The following TMOD3 variants were observed in gnomAD, a reference collection of about 807,000 sequenced individuals.
TMOD3 encodes tropomodulin-3.
TMOD3 carries 20 observed loss-of-function variants against 39.2 expected under a neutral mutation model. The observed-to-expected ratio is 0.51, with a 90% CI of 0.36 to 0.74. The LOEUF is 0.74. Among genes scored for constraint, TMOD3 ranks in the 30% least tolerant of loss-of-function variants. The pLI is 0.00. For missense variants in TMOD3, 381 were observed against 412.8 expected, an observed-to-expected ratio of 0.92 and a Z score of 0.67; for synonymous variants, 143 against 145.8, an observed-to-expected ratio of 0.98 and a Z score of 0.14.
intron 9 of TMOD3, among the ~76,000 whole-genome samples, chr15:51,902,499 C>G (rs976570357): frequency 1.3e-5 from 2 of 151,992 alleles, no homozygotes; most frequent in African/African-American, 4.8e-5. Context: ...TGAGACGGAG[C>G]CTCGCTGTGT....
intron 3 of TMOD3, among the ~76,000 whole-genome samples, chr15:51,887,021 C>G (rs1047316814): frequency 6.6e-6 from 1 of 151,922 alleles, no homozygotes; most frequent in Non-Finnish European, 1.5e-5. Context: ...TAGTTTGAGA[C>G]CAGCCTGGCC....
In TMOD3 at chr15:51,862,792, T is replaced by G. The variant is rs999989780; in HGVS notation, c.-74-19T>G. 7 of 1,278,044 alleles carry G rather than the reference T, an allele frequency of 5.5e-6. No individual in the cohort carries two copies. Among genetic ancestry groups the G allele is most frequent in the Admixed American group, 2.6e-5 (1 of 39,042 alleles). 79.2% of individuals were successfully genotyped at this position (1,278,044 alleles called of 1,614,324 possible). ...AGATGACTTACTATTTAAAATGTAT[T>G]TGTTTCTTCTCTCCATAGCTTTAAG... On this transcript the variant is annotated intron_variant, in intron 1 of 9. Transcript: ENST00000308580.
intron 9 of TMOD3, among the ~76,000 whole-genome samples, chr15:51,906,360 A>G (rs2141711785): frequency 6.6e-6 from 1 of 152,344 alleles, no homozygotes; most frequent in East Asian, 1.9e-4. Context: ...TTCACCTTGT[A>G]GATGGGGCTT....
In TMOD3 at chr15:51,911,370, A is replaced by C. The variant is rs1045961709; in HGVS notation, c.*2560A>C. The C allele has an allele frequency of 2.0e-5, 3 of 152,218 alleles. No homozygotes were observed. The highest frequency in any genetic ancestry group is 7.2e-5 in the African/African-American group (3 of 41,456). 9.4% of individuals were successfully genotyped at this position (152,218 alleles called of 1,614,324 possible). The stretch of plus-strand genomic sequence containing the variant: ...GTAGTTCATTGTATAACTGAAAGAA[A>C]TGATTTCTTCATAAGTGACATTAAA... On this transcript the variant is annotated 3_prime_UTR_variant, in exon 10 of 10. Coordinates refer to ENST00000308580, the MANE Select transcript of TMOD3 (RefSeq NM_014547.5).
In TMOD3 at chr15:51,862,470, C is replaced by G. The variant is rs140456432; in HGVS notation, c.-74-341C>G. 2.0e-4 allele frequency among the ~76,000 whole-genome samples: 30 copies of G among 152,272 alleles called. No individual in the cohort carries two copies. In the East Asian group the frequency reaches 5.2e-3, roughly 26 times the overall value. On this transcript the variant is annotated intron_variant, in intron 1 of 9. Transcript: ENST00000308580. ...ACATATTGTGCTGAAGCAAAGTACT[C>G]TGGTAAAATAATTTGAAAGCTATTG...
intron 7 of TMOD3, among the ~76,000 whole-genome samples, chr15:51,897,310 C>T (rs971435786): frequency 2.6e-5 from 4 of 151,988 alleles, no homozygotes; most frequent in African/African-American, 7.2e-5. Flanking sequence ...TCCTGAACTC[C>T]GTATTCATGT....
At position 51,889,091 on chromosome 15, in the gene TMOD3, A is replaced by C. The variant is rs1372753286; in HGVS notation, c.442A>C (p.Lys148Gln). 6.9e-6 allele frequency: 11 copies of C among 1,590,208 alleles called. No homozygotes were observed. The highest frequency in any genetic ancestry group is 1.4e-5 in the African/African-American group (1 of 73,250). ...GATGCACAATTTGATAACGAATACA[A>C]AGTTCTGTAATATAATGGGAAGTAG... Reference protein sequence around the residue: ...LGMHNLITNTKFCNIMGSSNG... With the variant: ...LGMHNLITNTQFCNIMGSSNG... Residue 148 changes from lysine (K) to glutamine (Q), a missense_variant, in exon 5 of 10, where the codon AAG (lysine) becomes CAG (glutamine). By Grantham distance (53) the Lys-to-Gln change is moderately conservative (BLOSUM62 1). Transcript: ENST00000308580.
intron 1 of TMOD3, among the ~76,000 whole-genome samples, chr15:51,833,621 A>G (rs894168058): frequency 2.0e-5 from 3 of 152,184 alleles, no homozygotes. Context: ...ATCATACAGC[A>G]TGTGCTTTTT....
At chr15:51,838,326 A>G (rs1197976699) in intron 1 of TMOD3, among the ~76,000 whole-genome samples, 1 of 152,208 alleles carries the variant, frequency 6.6e-6, no homozygotes, top group Non-Finnish European at 1.5e-5. Context: ...ATTTTCTTGA[A>G]AAAAACAAAA....
Position 51,896,545 on chromosome 15 carries a change from A to C in TMOD3, c.735+19A>C. On this transcript the variant is annotated intron_variant, in intron 7 of 9. Coordinates refer to ENST00000308580, the MANE Select transcript of TMOD3 (RefSeq NM_014547.5). ...TGCTACTGTAAGTAAGCGACTTGAG[A>C]ATATCAAAATTATGACATGCCCAGG... 6.3e-7 allele frequency: 1 copy of C among 1,578,328 alleles called. No individual in the cohort carries two copies. The highest frequency in any genetic ancestry group is 8.7e-7 in the Non-Finnish European group (1 of 1,150,352).
At chr15:51,896,956 T>C (rs1483598475) in intron 7 of TMOD3, among the ~76,000 whole-genome samples, 1 of 152,262 alleles carries the variant, frequency 6.6e-6, no homozygotes, top group Non-Finnish European at 1.5e-5. Context: ...GTTTTTGTCC[T>C]TTATTCTGTC....
intron 3 of TMOD3, among the ~76,000 whole-genome samples, chr15:51,886,866 A>G (rs1317066504): frequency 6.6e-6 from 1 of 152,228 alleles, no homozygotes; most frequent in Non-Finnish European, 1.5e-5. Context: ...ATTTGAATTT[A>G]TAGAATCATA....
intron 3 of TMOD3, among the ~76,000 whole-genome samples, chr15:51,879,009 T>C (rs894090738): frequency 1.3e-5 from 2 of 152,212 alleles, no homozygotes; most frequent in African/African-American, 4.8e-5. Context: ...TGTAACTTGG[T>C]ATCAGAGCAA....
intron 8 of TMOD3, chr15:51,900,915 T>C (rs2056646932): frequency 6.6e-6 from 1 of 152,188 alleles, no homozygotes; most frequent in Admixed American, 6.5e-5. Context: ...TTTTAGTATA[T>C]TTGTAGAGTT....
At chr15:51,888,094 A>G (rs1346978389) in intron 4 of TMOD3, among the ~76,000 whole-genome samples, 1 of 152,234 alleles carries the variant, frequency 6.6e-6, no homozygotes, top group African/African-American at 2.4e-5. Flanking sequence ...GAGATGAGTA[A>G]CTAGAAAGTA....
intron 9 of TMOD3, 90 bp from the exon 10 acceptor site, chr15:51,908,686 G>C: frequency 2.1e-6 from 2 of 970,858 alleles, no homozygotes; most frequent in Non-Finnish European, 3.0e-6. Flanking sequence ...CTTATAACTG[G>C]ATTATGCAGA....
intron 3 of TMOD3, among the ~76,000 whole-genome samples, chr15:51,870,773 C>T (rs1481071477): frequency 1.3e-5 from 2 of 152,094 alleles, no homozygotes; most frequent in African/African-American, 2.4e-5. Context: ...AGTCAGGGTT[C>T]TCCAGAGAGA....
intron 1 of TMOD3, among the ~76,000 whole-genome samples, chr15:51,844,084 TTTAAA>T (rs1014201315): frequency 6.6e-6 from 1 of 152,286 alleles, no homozygotes; most frequent in East Asian, 1.9e-4. Flanking sequence ...TGAATTGTCC[TTTAAA>T]TTAAAAAAAA....
At chr15:51,879,856 T>TCACA (rs68117829) in intron 3 of TMOD3, among the ~76,000 whole-genome samples, 4,135 of 142,578 alleles carry the variant, frequency 0.029, 95 homozygotes, top group African/African-American at 0.033. Flanking sequence ...TCTCTGTCTT[T>TCACA]CACACACACA....
Sources: gnomAD v4.1 joint callset for allele counts (sites outside exome capture counted in the v4.1 genomes callset) on GRCh38, gnomAD v4.1.1 for gene constraint, MANE v1.5 for transcripts, NCBI Gene and HGNC (gene_info 2026-07-23, HGNC 2026-07-21) for gene names.